TNFRSF13C: variants seen among roughly 807,000 people sequenced by gnomAD.
TNFRSF13C encodes the protein tumor necrosis factor receptor superfamily member 13C.
Under a neutral mutation model 12.1 loss-of-function variants are expected in TNFRSF13C, and 7 were observed. That is an observed-to-expected ratio of 0.58 (90% CI 0.33 to 1.08). The LOEUF (loss-of-function observed/expected upper bound fraction) is 1.08. Among genes scored for constraint, TNFRSF13C ranks in the 50% least tolerant of loss-of-function variants. The probability of loss-of-function intolerance (pLI) is 0.04; values close to 1 mark genes in which losing one functional copy is unlikely to be tolerated. For synonymous variants in TNFRSF13C, 157 were observed against 130.8 expected (o/e 1.20, Z -1.37); for missense variants, 260 against 265.9 (o/e 0.98, Z 0.15).
chr22:41,925,726 G>T (rs1294924375), intron 2 of TNFRSF13C, among the ~76,000 whole-genome samples, 172 bp from the exon 3 acceptor site: 1 of 152,160 alleles, frequency 6.6e-6, no homozygotes, highest in African/African-American at 2.4e-5. Flanking sequence ...GAGCTGGCAG[G>T]GCAGGGAGTT....
rs2077632150 is a variant in TNFRSF13C at position 41,926,423 on chromosome 22, G to C, written c.137-92C>G. ...GGGCGGAGGGGGGCGAGGCTGGCCG[G>C]GGAGGGGAGGGACAGCCGGGGGGCG... On this transcript the variant is annotated intron_variant, in intron 1 of 2. Transcript: ENST00000291232. This position sits in a 1 kb window ranked among gnomAD's most constrained non-coding sequence, Gnocchi z 4.9. 1 of 1,134,486 alleles carries C rather than the reference G, an allele frequency of 8.8e-7. No homozygotes were observed. The highest frequency in any genetic ancestry group is 2.2e-5 in the South Asian group (1 of 45,524). The allele number at this position is 1,134,486 out of a possible 1,614,324, so 70.3% of individuals were successfully genotyped here.
Position 41,926,361 on chromosome 22 carries a change from C to G in TNFRSF13C, c.137-30G>C, listed in dbSNP as rs559332158. On this transcript the variant is annotated intron_variant, in intron 1 of 2. Transcript: ENST00000291232. The surrounding 1 kb of genome is among the most constrained non-coding windows in gnomAD (Gnocchi z 4.9). ...TTCGGGAGGGGACAGGGAGGGAGGC[C>G]AGGGGGCCGAGGGGAGGGAGGAGCG... 462 of 1,329,198 alleles carry G rather than the reference C, an allele frequency of 3.5e-4. 1 individual carries two copies. In the African/African-American group the frequency reaches 6.7e-3, roughly 19 times the overall value. The allele number at this position is 1,329,198 out of a possible 1,614,324, so 82.3% of individuals were successfully genotyped here.
Position 41,923,910 on chromosome 22 carries a change from G to A in TNFRSF13C, c.*1457C>T, listed in dbSNP as rs1283218578. 1 of 152,128 alleles carries A rather than the reference G, an allele frequency of 6.6e-6. No individual in the cohort carries two copies. The highest frequency in any genetic ancestry group is 1.9e-4 in the East Asian group (1 of 5,198). 9.4% of individuals were successfully genotyped at this position (152,128 alleles called of 1,614,324 possible). On this transcript the variant is annotated 3_prime_UTR_variant, in exon 3 of 3. Transcript: ENST00000291232. ...GGGCCAATCTCAGGGTTGACCCTGGGGTACAGATACCTGAGAATCAGCAAA... is the reference window on the plus strand; with the variant it reads ...GGGCCAATCTCAGGGTTGACCCTGGAGTACAGATACCTGAGAATCAGCAAA...
At chr22:41,925,615 A>G in intron 2 of TNFRSF13C, 61 bp from the exon 3 acceptor site, 1 of 1,592,772 alleles carries the variant, frequency 6.3e-7, no homozygotes, top group East Asian at 2.2e-5. Context: ...CTCCCCTAGA[A>G]GACTCCTCTG....
chr22:41,926,472 C>G lies in TNFRSF13C; in HGVS notation c.137-141G>C. 9.0e-7 allele frequency: 1 copy of G among 1,115,776 alleles called. No individual in the cohort carries two copies. Among genetic ancestry groups the G allele is most frequent in the Non-Finnish European group, 1.2e-6 (1 of 852,900 alleles). The allele number at this position is 1,115,776 out of a possible 1,614,324, so 69.1% of individuals were successfully genotyped here. On this transcript the variant is annotated intron_variant, in intron 1 of 2. Transcript: ENST00000291232. This position sits in a 1 kb window ranked among gnomAD's most constrained non-coding sequence, Gnocchi z 4.9. The stretch of plus-strand genomic sequence containing the variant: ...CGGTGGACAAGGGGAGGGAGAGAGG[C>G]GGCGGTGAGGGCCACGCGGTGATCG...
In TNFRSF13C at chr22:41,926,535, C is replaced by G. The variant is rs996877987; in HGVS notation, c.136+103G>C. On this transcript the variant is annotated intron_variant, in intron 1 of 2. Coordinates refer to ENST00000291232, the MANE Select transcript of TNFRSF13C (RefSeq NM_052945.4). The surrounding 1 kb of genome is among the most constrained non-coding windows in gnomAD (Gnocchi z 4.9). Reference sequence around the variant, plus strand: ...GGCCCTGCCCACAGGGTCCTTTCAGCCCTCGGCGCCCCCGGGGGTCGGGGC... The same window carrying G: ...GGCCCTGCCCACAGGGTCCTTTCAGGCCTCGGCGCCCCCGGGGGTCGGGGC... 3.9e-6 allele frequency: 5 copies of G among 1,295,636 alleles called. No homozygotes were observed. The highest frequency in any genetic ancestry group is 3.9e-6 in the Non-Finnish European group (4 of 1,017,116). The allele number at this position is 1,295,636 out of a possible 1,614,324, so 80.3% of individuals were successfully genotyped here.
Position 41,925,538 on chromosome 22 carries a change from GTCCAGGGGC to G in TNFRSF13C, c.375_383del (p.Glu125_Leu127del). 6.2e-7 allele frequency: 1 copy of G among 1,613,168 alleles called. No homozygotes were observed. Among genetic ancestry groups the G allele is most frequent in the South Asian group, 1.1e-5 (1 of 91,076 alleles). On this transcript the variant is annotated inframe_deletion, in exon 3 of 3. Transcript: ENST00000291232. ...TTCCCGGAGACAGAATGATGACCTTGTCCAGGGGCTCTGGGGCTGCAGGCAGAGGGGGTA... is the reference window on the plus strand; with the variant it reads ...TTCCCGGAGACAGAATGATGACCTTGTCTGGGGCTGCAGGCAGAGGGGGTA...
In TNFRSF13C at chr22:41,922,584, C is replaced by T. The variant is rs2077611085; in HGVS notation, c.*2783G>A. Reference sequence around the variant, plus strand: ...GTCTGAGCCCCAGAGGGGTTTCACCCACCCTCGGGGTTTTCACCTGCTGAG... The same window carrying T: ...GTCTGAGCCCCAGAGGGGTTTCACCTACCCTCGGGGTTTTCACCTGCTGAG... On this transcript the variant is annotated 3_prime_UTR_variant, in exon 3 of 3. Coordinates refer to ENST00000291232, the MANE Select transcript of TNFRSF13C (RefSeq NM_052945.4). The T allele has an allele frequency of 6.6e-6, 1 of 151,954 alleles. No homozygotes were observed. The highest frequency in any genetic ancestry group is 6.6e-5 in the Admixed American group (1 of 15,242). 9.4% of individuals were successfully genotyped at this position (151,954 alleles called of 1,614,324 possible). A position where few individuals can be genotyped will look rare whatever the true frequency, so the allele number is the denominator to read the frequency against.
rs1234917601 is a variant in TNFRSF13C at position 41,926,259 on chromosome 22, G to T, written c.209C>A (p.Ala70Glu). The T allele has an allele frequency of 1.3e-6, 2 of 1,500,430 alleles. No individual in the cohort carries two copies. Among genetic ancestry groups the T allele is most frequent in the Non-Finnish European group, 1.8e-6 (2 of 1,132,308 alleles). 92.9% of individuals were successfully genotyped at this position (1,500,430 alleles called of 1,614,324 possible). A position where few individuals can be genotyped will look rare whatever the true frequency, so the allele number is the denominator to read the frequency against. ...QESVGAGAGEAALPLPGLLFG... is the reference protein window; with the variant it reads ...QESVGAGAGEEALPLPGLLFG... ...GAGCAGCCCGGGCAGGGGCAGCGCC[G>T]CCTCGCCGGCCCCCGCGCCCACCGA... The change falls in exon 2 of 3, where the codon GCG (alanine) becomes GAG (glutamate). Residue 70 changes from alanine (A) to glutamate (E), a missense_variant. Physicochemically the swap from Ala to Glu is moderately radical, Grantham distance 107. Coordinates refer to ENST00000291232, the MANE Select transcript of TNFRSF13C (RefSeq NM_052945.4). This position sits in a 1 kb window ranked among gnomAD's most constrained non-coding sequence, Gnocchi z 4.9.
At position 41,925,315 on chromosome 22, in the gene TNFRSF13C, C is replaced by A; in HGVS notation, c.*52G>T. ...AAGAGCTGAATTTGATTTCCAAGCC[C>A]CTGGCTGGGGGTCCAGAGGGAGGGC... On this transcript the variant is annotated 3_prime_UTR_variant, in exon 3 of 3. Transcript: ENST00000291232. The A allele has an allele frequency of 6.5e-7, 1 of 1,542,932 alleles. No individual in the cohort carries two copies. Among genetic ancestry groups the A allele is most frequent in the Non-Finnish European group, 8.7e-7 (1 of 1,149,476 alleles).
In TNFRSF13C at chr22:41,926,304, G is replaced by T; in HGVS notation, c.164C>A (p.Thr55Lys). The T allele has an allele frequency of 6.8e-7, 1 of 1,463,388 alleles. No homozygotes were observed. The highest frequency in any genetic ancestry group is 9.0e-7 in the Non-Finnish European group (1 of 1,115,998). 90.7% of individuals were successfully genotyped at this position (1,463,388 alleles called of 1,614,324 possible). Residue 55 changes from threonine (T) to lysine (K), a missense_variant, in exon 2 of 3, where the codon ACG (threonine) becomes AAG (lysine). Coordinates refer to ENST00000291232, the MANE Select transcript of TNFRSF13C (RefSeq NM_052945.4). This position sits in a 1 kb window ranked among gnomAD's most constrained non-coding sequence, Gnocchi z 4.9. ...PAGASSPAPR[T>K]ALQPQESVGA... ...CACCGACTCCTGCGGCTGCAGCGCC[G>T]TCCTGGGCGCAGGGCTGCTGGCCCC...
chr22:41,925,010 A>C lies in TNFRSF13C; in HGVS notation c.*357T>G, dbSNP rs950976690. 5.4e-6 allele frequency: 1 copy of C among 185,038 alleles called. No homozygotes were observed. Among genetic ancestry groups the C allele is most frequent in the African/African-American group, 2.4e-5 (1 of 42,178 alleles). 11.5% of individuals were successfully genotyped at this position (185,038 alleles called of 1,614,324 possible). A position where few individuals can be genotyped will look rare whatever the true frequency, so the allele number is the denominator to read the frequency against. Reference sequence around the variant, plus strand: ...CAAACACAAAAAACCACCCAACTACAAATTAGGCATCCTCCCACTTGGTCT... The same window carrying C: ...CAAACACAAAAAACCACCCAACTACCAATTAGGCATCCTCCCACTTGGTCT... On this transcript the variant is annotated 3_prime_UTR_variant, in exon 3 of 3. Transcript: ENST00000291232.
rs1017969004 is a variant in TNFRSF13C, at chr22:41,924,083, T to C, written c.*1284A>G. ...GCTCTGAGGGCAGGTATTAAAGAAA[T>C]AGAGGCCAGGCCCGGCGCCTCCTGC... On this transcript the variant is annotated 3_prime_UTR_variant, in exon 3 of 3. Coordinates refer to ENST00000291232, the MANE Select transcript of TNFRSF13C (RefSeq NM_052945.4). 9.9e-5 allele frequency: 15 copies of C among 151,510 alleles called. No individual in the cohort carries two copies. Among genetic ancestry groups the C allele is most frequent in the African/African-American group, 3.4e-4 (14 of 41,116 alleles). 9.4% of individuals were successfully genotyped at this position (151,510 alleles called of 1,614,324 possible).
rs1457356226 is a variant in TNFRSF13C at position 41,924,064 on chromosome 22, A to AG, written c.*1302dup. The AG allele has an allele frequency of 6.6e-6, 1 of 152,062 alleles. No homozygotes were observed. Among genetic ancestry groups the AG allele is most frequent in the Non-Finnish European group, 1.5e-5 (1 of 68,006 alleles). 9.4% of individuals were successfully genotyped at this position (152,062 alleles called of 1,614,324 possible). A position where few individuals can be genotyped will look rare whatever the true frequency, so the allele number is the denominator to read the frequency against. ...TCAGTTTAAAAGCAGGACGGCTCTGAGGGCAGGTATTAAAGAAATAGAGGC... is the reference window on the plus strand; with the variant it reads ...TCAGTTTAAAAGCAGGACGGCTCTGAGGGGCAGGTATTAAAGAAATAGAGGC... On this transcript the variant is annotated 3_prime_UTR_variant, in exon 3 of 3. Transcript: ENST00000291232.
rs1320056881 is a variant in TNFRSF13C at position 41,926,154 on chromosome 22, T to C, written c.314A>G (p.Gln105Arg). Reference protein sequence around the residue: ...LVGLVSWRRRQRRLRGASSAE... With the variant: ...LVGLVSWRRRRRRLRGASSAE... ...GGAGGACGCGCCGCGAAGCCGCCGCTGTCGCCGCCTCCAGCTCACCAGACC... is the reference window on the plus strand; with the variant it reads ...GGAGGACGCGCCGCGAAGCCGCCGCCGTCGCCGCCTCCAGCTCACCAGACC... Residue 105 changes from glutamine (Q) to arginine (R), a missense_variant, in exon 2 of 3, where the codon CAG becomes CGG. Gln to Arg is a conservative substitution (Grantham distance 43, BLOSUM62 1). Coordinates refer to ENST00000291232, the MANE Select transcript of TNFRSF13C (RefSeq NM_052945.4). The surrounding 1 kb of genome is among the most constrained non-coding windows in gnomAD (Gnocchi z 4.9). The C allele has an allele frequency of 6.2e-7, 1 of 1,611,744 alleles. No individual in the cohort carries two copies. The highest frequency in any genetic ancestry group is 1.7e-5 in the Admixed American group (1 of 59,970).
rs942451212 is a variant in TNFRSF13C, at chr22:41,925,470, T to A, written c.452A>T (p.Asp151Val). Reference sequence around the variant, plus strand: ...GTGGCCAGGTGGGGTGGTTCCTGGGTCTTCCCCAGGAGGAGGCCAGGCAGG... The same window carrying A: ...GTGGCCAGGTGGGGTGGTTCCTGGGACTTCCCCAGGAGGAGGCCAGGCAGG... ...TAPAWPPPGEDPGTTPPGHSV... is the reference protein window; with the variant it reads ...TAPAWPPPGEVPGTTPPGHSV... Residue 151 changes from aspartate (D) to valine (V), a missense_variant, in exon 3 of 3, where the codon GAC becomes GTC. Physicochemically the swap from Asp to Val is radical, Grantham distance 152. Transcript: ENST00000291232. 2.5e-6 allele frequency: 4 copies of A among 1,612,900 alleles called. No individual in the cohort carries two copies. The highest frequency in any genetic ancestry group is 3.4e-6 in the Non-Finnish European group (4 of 1,179,914).
Position 41,923,107 on chromosome 22 carries a change from A to C in TNFRSF13C, c.*2260T>G, listed in dbSNP as rs577091469. 6.5e-6 allele frequency: 1 copy of C among 154,300 alleles called. No homozygotes were observed. Among genetic ancestry groups the C allele is most frequent in the East Asian group, 1.9e-4 (1 of 5,240 alleles). The allele number at this position is 154,300 out of a possible 1,614,324, so 9.6% of individuals were successfully genotyped here. A position where few individuals can be genotyped will look rare whatever the true frequency, so the allele number is the denominator to read the frequency against. ...CACACAACAGGTCCTTGGGACAGGA[A>C]GCACTGAGTCCAGAGGCCTGGCAAG... On this transcript the variant is annotated 3_prime_UTR_variant, in exon 3 of 3. Coordinates refer to ENST00000291232, the MANE Select transcript of TNFRSF13C (RefSeq NM_052945.4).
rs749773854 is a variant in TNFRSF13C, at chr22:41,926,211, C to A, written c.257G>T (p.Gly86Val). ...GACCAGCGCCAGGACCAGTGCCAGG[C>A]CCAGCAGCGCGGGGGCGCCAAAGAG... ...GLLFGAPALL[G>V]LALVLALVLV... Residue 86 changes from glycine to valine, a missense_variant, in exon 2 of 3, where the codon GGC (glycine) becomes GTC (valine). Physicochemically the swap from Gly to Val is moderately radical, Grantham distance 109 (BLOSUM62 -3). Transcript: ENST00000291232. This position sits in a 1 kb window ranked among gnomAD's most constrained non-coding sequence, Gnocchi z 4.9. 1 of 1,602,806 alleles carries A rather than the reference C, an allele frequency of 6.2e-7. No homozygotes were observed. The highest frequency in any genetic ancestry group is 8.5e-7 in the Non-Finnish European group (1 of 1,177,586).
rs780488680 is a variant in TNFRSF13C, at chr22:41,926,618, G to A, written c.136+20C>T. On this transcript the variant is annotated intron_variant, in intron 1 of 2. Coordinates refer to ENST00000291232, the MANE Select transcript of TNFRSF13C (RefSeq NM_052945.4). The surrounding 1 kb of genome is among the most constrained non-coding windows in gnomAD (Gnocchi z 4.9). ...CTCCCCGCAGCTGCCGGCGCCGCGC[G>A]CCCCGTGGGTCCCCCTTACCCGGTT... 4.2e-6 allele frequency: 6 copies of A among 1,422,862 alleles called. No individual in the cohort carries two copies. In the South Asian group the frequency reaches 5.6e-5, roughly 13 times the overall value. 88.1% of individuals were successfully genotyped at this position (1,422,862 alleles called of 1,614,324 possible).
Sources: allele counts gnomAD v4.1 joint callset (sites outside exome capture counted in the v4.1 genomes callset), GRCh38; gene constraint gnomAD v4.1.1; non-coding constraint Gnocchi (gnomAD v3.1); transcripts MANE v1.5; gene names NCBI Gene and HGNC (gene_info 2026-07-23, HGNC 2026-07-21).